The following AGBL4 variants were observed in gnomAD, a reference collection of about 807,000 sequenced individuals.
AGBL4 encodes the protein AGBL carboxypeptidase 4.
Under a neutral mutation model 66.4 loss-of-function variants are expected in AGBL4, and 58 were observed. The observed-to-expected ratio is 0.87, with a 90% CI of 0.71 to 1.09. The LOEUF (loss-of-function observed/expected upper bound fraction) is 1.09. Ranked by LOEUF, AGBL4 falls within the 50% of genes least tolerant of loss-of-function variation. AGBL4 has a pLI of 0.00. For synonymous variants in AGBL4, 234 were observed against 222.9 expected (o/e 1.05, Z -0.44); for missense variants, 579 against 631.0 (o/e 0.92, Z 0.88).
At chr1:48,912,154 C>G (rs964166897) in intron 5 of AGBL4, among the ~76,000 whole-genome samples, 4 of 152,144 alleles carry the variant, frequency 2.6e-5, no homozygotes, top group Non-Finnish European at 5.9e-5. Flanking sequence ...CTAGTTCTCG[C>G]TATCATGTTT....
chr1:49,557,222 T>C (rs1244272455), intron 3 of AGBL4, among the ~76,000 whole-genome samples: 4 of 151,950 alleles, frequency 2.6e-5, no homozygotes, highest in African/African-American at 9.7e-5. Flanking sequence ...CCTGAGGAGG[T>C]GCTGAGAGCG....
chr1:48,961,083 GT>G (rs1657933089), intron 5 of AGBL4, among the ~76,000 whole-genome samples: 2 of 136,790 alleles, frequency 1.5e-5, no homozygotes, highest in Non-Finnish European at 3.4e-5. Context: ...AGTCTGGGGT[GT>G]GTGTGTGTGT....
chr1:49,438,023 A>G (rs568919569), intron 3 of AGBL4, among the ~76,000 whole-genome samples: 2 of 152,322 alleles, frequency 1.3e-5, no homozygotes, highest in East Asian at 3.9e-4. Context: ...AAACAGATAC[A>G]GAAAGGCTAA....
intron 6 of AGBL4, among the ~76,000 whole-genome samples, chr1:48,767,501 G>A (rs1644589059): frequency 6.6e-6 from 1 of 152,220 alleles, no homozygotes; most frequent in Non-Finnish European, 1.5e-5. Context: ...GTGAGGAGGA[G>A]ACAGAACACA....
Position 49,010,080 on chromosome 1 carries a change from A to G in AGBL4, c.594+35504T>C, listed in dbSNP as rs1451226336. ...AGGGTATTCAATTAGGAAAAGAGGA[A>G]GTCAAATTGTCCCTCTTTGCAGACG... On this transcript the variant is annotated intron_variant, in intron 5 of 13. Transcript: ENST00000371839. Among the ~76,000 whole-genome samples, 3 of 152,214 alleles carry G rather than the reference A, an allele frequency of 2.0e-5. No individual in the cohort carries two copies. The East Asian group carries it at 5.8e-4, about 29-fold the overall frequency.
intron 4 of AGBL4, among the ~76,000 whole-genome samples, chr1:49,068,715 G>T (rs1450401464): frequency 6.6e-6 from 1 of 152,170 alleles, no homozygotes; most frequent in Non-Finnish European, 1.5e-5. Context: ...CTTTATAGTA[G>T]AATGATTTAT....
At chr1:48,687,901 C>G (rs931677960) in intron 6 of AGBL4, among the ~76,000 whole-genome samples, 1 of 152,236 alleles carries the variant, frequency 6.6e-6, no homozygotes, top group Non-Finnish European at 1.5e-5. Context: ...CGTCCCTGGC[C>G]ACCCTTGACA....
At chr1:49,337,531 G>A (rs893208024) in intron 3 of AGBL4, among the ~76,000 whole-genome samples, 6 of 152,110 alleles carry the variant, frequency 3.9e-5, no homozygotes, top group South Asian at 2.1e-4. Context: ...GCACTTTGGG[G>A]CAGGACACAG....
intron 2 of AGBL4, among the ~76,000 whole-genome samples, chr1:49,770,737 T>G (rs1268616027): frequency 2.6e-5 from 4 of 152,148 alleles, no homozygotes; most frequent in African/African-American, 9.7e-5. Flanking sequence ...AATTTAAACG[T>G]GCTATGTTGT....
At chr1:48,956,003 T>G (rs1311020844) in intron 5 of AGBL4, among the ~76,000 whole-genome samples, 2 of 152,256 alleles carry the variant, frequency 1.3e-5, no homozygotes, top group African/African-American at 4.8e-5. Flanking sequence ...CTGGCTCTAA[T>G]TGGATCTGGC....
chr1:49,230,442 A>G (rs1169558049), intron 4 of AGBL4, among the ~76,000 whole-genome samples: 1 of 152,224 alleles, frequency 6.6e-6, no homozygotes, highest in Non-Finnish European at 1.5e-5. Flanking sequence ...AACAAAGGGT[A>G]GAGCCTCCAG....
chr1:49,782,992 G>A (rs1173142346), intron 2 of AGBL4, among the ~76,000 whole-genome samples: 2 of 151,860 alleles, frequency 1.3e-5, no homozygotes, highest in African/African-American at 2.4e-5. Context: ...TTATATAAGA[G>A]GCCCCAGAAA....
At chr1:49,483,652 A>G (rs1647003005) in intron 3 of AGBL4, among the ~76,000 whole-genome samples, 1 of 151,996 alleles carries the variant, frequency 6.6e-6, no homozygotes, top group Non-Finnish European at 1.5e-5. Flanking sequence ...CTACTACAAA[A>G]CACATTGAGG....
At chr1:49,331,898 CAT>C (rs1645342711) in intron 3 of AGBL4, among the ~76,000 whole-genome samples, 1 of 152,218 alleles carries the variant, frequency 6.6e-6, no homozygotes, top group Non-Finnish European at 1.5e-5. Context: ...ATATTCTAGA[CAT>C]AGCTCTGATC....
chr1:49,742,923 T>C (rs951053355), intron 2 of AGBL4, among the ~76,000 whole-genome samples: 6 of 152,086 alleles, frequency 3.9e-5, no homozygotes, highest in African/African-American at 1.4e-4. Context: ...AAGACTTAAA[T>C]GTTAGACCTA....
chr1:49,188,288 C>A (rs1647051622), intron 4 of AGBL4, among the ~76,000 whole-genome samples: 1 of 152,266 alleles, frequency 6.6e-6, no homozygotes. Context: ...TCCCATAGCA[C>A]ACTGAGCTCA....
intron 3 of AGBL4, among the ~76,000 whole-genome samples, chr1:49,617,573 C>T (rs764031522): frequency 1.1e-4 from 16 of 152,278 alleles, no homozygotes; most frequent in Non-Finnish European, 1.9e-4. Context: ...CTAAAATGTT[C>T]TGTTATCCTA....
intron 3 of AGBL4, among the ~76,000 whole-genome samples, chr1:49,334,654 G>A (rs1412163298): frequency 2.6e-5 from 4 of 152,108 alleles, no homozygotes; most frequent in Non-Finnish European, 5.9e-5. Context: ...TGAAGCCCAT[G>A]GTCTTCAATA....
intron 3 of AGBL4, among the ~76,000 whole-genome samples, chr1:49,514,734 A>C (rs552321185): frequency 1.3e-5 from 2 of 152,116 alleles, no homozygotes; most frequent in South Asian, 2.1e-4. Context: ...ATAATGCTGC[A>C]TATCTACAAC....
Sources: gnomAD v4.1 joint callset for allele counts (sites outside exome capture counted in the v4.1 genomes callset) on GRCh38, gnomAD v4.1.1 for gene constraint, MANE v1.5 for transcripts, NCBI Gene and HGNC (gene_info 2026-07-23, HGNC 2026-07-21) for gene names.